CADM2: variants seen among roughly 807,000 people sequenced by gnomAD.
The protein encoded by CADM2 is immunoglobulin superfamily member 4D.
A neutral mutation model predicts 49.8 loss-of-function variants in CADM2; 12 were observed. The ratio of observed to expected loss-of-function variants is 0.24; its 90% CI spans 0.15 to 0.39. CADM2 has a LOEUF of 0.39. CADM2 is among the 10% of genes least tolerant of loss of function. The pLI, the probability that CADM2 is intolerant of heterozygous loss-of-function variation, is 1.00. For missense variants in CADM2, 378 were observed against 492.3 expected (o/e 0.77, Z 2.20); for synonymous variants, 214 against 175.4 (o/e 1.22, Z -1.74).
intron 1 of CADM2, among the ~76,000 whole-genome samples, chr3:85,355,018 G>C (rs1017034264): frequency 2.6e-5 from 4 of 152,084 alleles, no homozygotes; most frequent in Non-Finnish European, 4.4e-5. Context: ...TCAAGCTTGG[G>C]TCGACGCTCA....
chr3:85,858,633 A>G (rs777137370), intron 3 of CADM2, among the ~76,000 whole-genome samples: 5 of 152,246 alleles, frequency 3.3e-5, no homozygotes, highest in Non-Finnish European at 7.3e-5. Flanking sequence ...AATGATAATA[A>G]ACTACTCCTC....
chr3:85,829,814 A>G (rs1237756664), intron 3 of CADM2, among the ~76,000 whole-genome samples: 1 of 152,010 alleles, frequency 6.6e-6, no homozygotes, highest in Non-Finnish European at 1.5e-5. Flanking sequence ...AATGTTCTCC[A>G]GGTTCACTCA....
intron 1 of CADM2, among the ~76,000 whole-genome samples, chr3:85,546,464 T>C (rs533536335): frequency 1.3e-5 from 2 of 152,192 alleles, no homozygotes; most frequent in African/African-American, 4.8e-5. Flanking sequence ...ACTCCCCCTC[T>C]CTTGTTCTTT....
chr3:85,261,905 C>A (rs1469379460), intron 1 of CADM2, among the ~76,000 whole-genome samples: 2 of 152,046 alleles, frequency 1.3e-5, no homozygotes, highest in Non-Finnish European at 2.9e-5. Flanking sequence ...ATTCCTAACT[C>A]TTGTCTGACC....
chr3:85,808,433 GT>G (rs1340319489), intron 3 of CADM2, among the ~76,000 whole-genome samples: 3 of 152,040 alleles, frequency 2.0e-5, no homozygotes, highest in Non-Finnish European at 4.4e-5. Context: ...ATGCTGTGTG[GT>G]ATTGGCAATG....
intron 1 of CADM2, among the ~76,000 whole-genome samples, chr3:85,603,471 T>A (rs888576667): frequency 1.2e-4 from 18 of 151,954 alleles, no homozygotes; most frequent in African/African-American, 4.1e-4. Flanking sequence ...AACTTATGTG[T>A]CAGCTCACAG....
intron 1 of CADM2, among the ~76,000 whole-genome samples, chr3:84,961,425 T>C (rs558135578): frequency 4.2e-4 from 64 of 152,262 alleles, no homozygotes; most frequent in African/African-American, 1.4e-3. Flanking sequence ...TGCCAGAATC[T>C]CCGTGAAGGC....
intron 8 of CADM2, among the ~76,000 whole-genome samples, chr3:86,057,795 T>C (rs893433122): frequency 2.6e-5 from 4 of 152,038 alleles, no homozygotes; most frequent in Non-Finnish European, 4.4e-5. Context: ...AACAGGAGAT[T>C]ATTTAGCATG....
At chr3:85,856,402 C>A (rs761138909) in intron 3 of CADM2, among the ~76,000 whole-genome samples, 4 of 152,116 alleles carry the variant, frequency 2.6e-5, no homozygotes, top group Non-Finnish European at 5.9e-5. Context: ...GGATTTTGGC[C>A]AGTTTCTCTA....
intron 3 of CADM2, among the ~76,000 whole-genome samples, chr3:85,830,374 T>C (rs952299553): frequency 1.3e-5 from 2 of 151,970 alleles, no homozygotes; most frequent in African/African-American, 4.8e-5. Flanking sequence ...GATTATTTGT[T>C]TTCTTTTTGC....
intron 1 of CADM2, among the ~76,000 whole-genome samples, chr3:85,264,100 C>A (rs553323244): frequency 3.3e-5 from 5 of 152,174 alleles, no homozygotes; most frequent in South Asian, 2.1e-4. Flanking sequence ...ATGGGCCTGA[C>A]CTTTCTTTGC....
At chr3:85,797,324 G>C (rs2071690291) in intron 2 of CADM2, among the ~76,000 whole-genome samples, 1 of 151,826 alleles carries the variant, frequency 6.6e-6, no homozygotes, top group Non-Finnish European at 1.5e-5. Flanking sequence ...TGTTCCATAG[G>C]TATACATGTG....
intron 1 of CADM2, among the ~76,000 whole-genome samples, chr3:85,199,406 A>G (rs899230725): frequency 6.6e-6 from 1 of 150,978 alleles, no homozygotes; most frequent in African/African-American, 2.4e-5. Context: ...AAATAGGCAG[A>G]GAAAAAGGAA....
chr3:85,741,754 A>G (rs1000746921), intron 2 of CADM2, among the ~76,000 whole-genome samples: 1 of 152,196 alleles, frequency 6.6e-6, no homozygotes, highest in Non-Finnish European at 1.5e-5. Flanking sequence ...AAAATCAAAT[A>G]TACTTGTTAC....
intron 1 of CADM2, among the ~76,000 whole-genome samples, chr3:85,519,404 A>T (rs2106887538): frequency 6.6e-6 from 1 of 152,168 alleles, no homozygotes; most frequent in African/African-American, 2.4e-5. Flanking sequence ...ATTCTCAGCC[A>T]ATTACTTACT....
chr3:85,360,625 T>C (rs777256467), intron 1 of CADM2, among the ~76,000 whole-genome samples: 8 of 152,184 alleles, frequency 5.3e-5, no homozygotes, highest in Non-Finnish European at 1.0e-4. Context: ...GGTAAATCTG[T>C]TTCACTTCCT....
chr3:85,406,258 G>T (rs374253713), intron 1 of CADM2, among the ~76,000 whole-genome samples: 5 of 151,962 alleles, frequency 3.3e-5, no homozygotes, highest in Middle Eastern at 3.4e-3. Flanking sequence ...TTGCATTGGA[G>T]AAGAGATAAT....
intron 8 of CADM2, among the ~76,000 whole-genome samples, chr3:86,037,773 C>T (rs1482694199): frequency 1.3e-5 from 2 of 152,080 alleles, no homozygotes; most frequent in East Asian, 3.9e-4. Flanking sequence ...CTTCCAAAAA[C>T]TATTAGAAAA....
chr3:85,130,012 G>C (rs1464451173), intron 1 of CADM2, among the ~76,000 whole-genome samples: 1 of 152,138 alleles, frequency 6.6e-6, no homozygotes, highest in Admixed American at 6.5e-5. Flanking sequence ...GGTGTGGATT[G>C]AATTGGAAAG....
Sources: allele counts gnomAD v4.1 joint callset (sites outside exome capture counted in the v4.1 genomes callset), GRCh38; gene constraint gnomAD v4.1.1; transcripts MANE v1.5; gene names NCBI Gene and HGNC (gene_info 2026-07-23, HGNC 2026-07-21).